The following SEMA3E variants were observed in gnomAD, a reference collection of about 807,000 sequenced individuals.
The protein encoded by SEMA3E is semaphorin 3E, also known as semaphorin-3E.
In SEMA3E, 49 loss-of-function variants were observed where a neutral mutation model predicts 93.6. The observed-to-expected ratio is 0.52, with a 90% confidence interval of 0.42 to 0.66. The LOEUF (loss-of-function observed/expected upper bound fraction) is 0.66. Ranked by LOEUF, SEMA3E falls within the 30% of genes least tolerant of loss-of-function variation. The probability of loss-of-function intolerance (pLI) is 0.00; values close to 1 mark genes in which losing one functional copy is unlikely to be tolerated. For missense variants in SEMA3E, 906 were observed against 964.8 expected (o/e 0.94, Z 0.81); for synonymous variants, 363 against 330.7 (o/e 1.10, Z -1.06).
chr7:83,441,776 T>C (rs1789119373), intron 4 of SEMA3E, among the ~76,000 whole-genome samples: 1 of 152,194 alleles, frequency 6.6e-6, no homozygotes. Context: ...CATATATACA[T>C]GTGTGTATAT....
chr7:83,378,588 C>T (rs140935831), intron 16 of SEMA3E, among the ~76,000 whole-genome samples: 35 of 151,982 alleles, frequency 2.3e-4, no homozygotes, highest in African/African-American at 8.2e-4. Flanking sequence ...TTAGATGAAT[C>T]GTGCCTTAAC....
rs1186831984 is a variant in SEMA3E, at chr7:83,617,492, A to T, written c.115+30936T>A. On this transcript the variant is annotated intron_variant, in intron 1 of 16. Coordinates refer to ENST00000643230, the MANE Select transcript of SEMA3E (RefSeq NM_012431.3). ...ATTTTATATAAATTTTATATAAATA[A>T]TATATAATTTTATATAAATAATATA... 1.7e-3 allele frequency among the ~76,000 whole-genome samples: 64 copies of T among 37,326 alleles called. 7 individuals carry two copies. The highest frequency in any genetic ancestry group is 2.5e-3 in the East Asian group (3 of 1,194). 24.5% of individuals were successfully genotyped at this position (37,326 alleles called of 152,430 possible). A position where few individuals can be genotyped will look rare whatever the true frequency, so the allele number is the denominator to read the frequency against.
intron 1 of SEMA3E, among the ~76,000 whole-genome samples, chr7:83,644,199 A>C (rs1794050537): frequency 1.4e-4 from 2 of 14,754 alleles, no homozygotes; most frequent in South Asian, 1.5e-3. Flanking sequence ...CACTACAGCA[A>C]AAAAAAAAAA....
At chr7:83,470,113 A>G (rs572234647) in intron 2 of SEMA3E, among the ~76,000 whole-genome samples, 1 of 152,254 alleles carries the variant, frequency 6.6e-6, no homozygotes, top group Admixed American at 6.5e-5. Flanking sequence ...CAAAAGTTTT[A>G]ATTGTATTTT....
chr7:83,462,830 G>A (rs12670441), intron 4 of SEMA3E, among the ~76,000 whole-genome samples: 127,997 of 132,154 alleles, frequency 0.97, 62,175 homozygotes, highest in Middle Eastern at 1. Flanking sequence ...TGTTTTGCCT[G>A]TCCACCCCGT....
chr7:83,599,639 A>C (rs1368661034), intron 1 of SEMA3E, among the ~76,000 whole-genome samples: 1 of 152,222 alleles, frequency 6.6e-6, no homozygotes, highest in Non-Finnish European at 1.5e-5. Flanking sequence ...AACACTTTAC[A>C]TACAAATAAC....
At chr7:83,403,730 T>C (rs1005279749) in intron 9 of SEMA3E, among the ~76,000 whole-genome samples, 1 of 151,932 alleles carries the variant, frequency 6.6e-6, no homozygotes, top group Admixed American at 6.6e-5. Flanking sequence ...GTTATGTTAC[T>C]GTCCTACACC....
intron 4 of SEMA3E, among the ~76,000 whole-genome samples, chr7:83,451,077 T>A (rs1213286608): frequency 6.6e-6 from 1 of 152,148 alleles, no homozygotes; most frequent in Non-Finnish European, 1.5e-5. Flanking sequence ...TCTGATGACA[T>A]CATAAGGGGC....
At chr7:83,635,455 G>T (rs1793862993) in intron 1 of SEMA3E, among the ~76,000 whole-genome samples, 2 of 150,990 alleles carry the variant, frequency 1.3e-5, no homozygotes, top group Non-Finnish European at 3.0e-5. Flanking sequence ...TAATAATAAG[G>T]TATGGTGACA....
At chr7:83,487,160 G>GTAT (rs1156664687) in intron 2 of SEMA3E, among the ~76,000 whole-genome samples, 2 of 152,112 alleles carry the variant, frequency 1.3e-5, no homozygotes, top group African/African-American at 2.4e-5. Context: ...ATGAGAGTGA[G>GTAT]TAGGTGATTC....
chr7:83,613,051 A>G (rs1793297810), intron 1 of SEMA3E, among the ~76,000 whole-genome samples: 1 of 152,088 alleles, frequency 6.6e-6, no homozygotes, highest in Non-Finnish European at 1.5e-5. Flanking sequence ...CTTGTATGTG[A>G]TATATGAACA....
intron 2 of SEMA3E, among the ~76,000 whole-genome samples, chr7:83,483,047 T>G: frequency 6.6e-6 from 1 of 151,490 alleles, no homozygotes; most frequent in East Asian, 1.9e-4. Flanking sequence ...CTTTCTAAAG[T>G]GAAAATTATG....
chr7:83,391,374 T>A (rs1368006252), intron 14 of SEMA3E, among the ~76,000 whole-genome samples: 3 of 152,146 alleles, frequency 2.0e-5, no homozygotes. Context: ...TTATGCTTGT[T>A]TCTTCATATC....
At chr7:83,606,359 A>G (rs1793117703) in intron 1 of SEMA3E, among the ~76,000 whole-genome samples, 1 of 152,072 alleles carries the variant, frequency 6.6e-6, no homozygotes, top group Non-Finnish European at 1.5e-5. Flanking sequence ...TTGGGAACCA[A>G]CCCAAATGTC....
intron 9 of SEMA3E, among the ~76,000 whole-genome samples, chr7:83,405,158 G>GA (rs202147108): frequency 2.0e-5 from 3 of 150,728 alleles, no homozygotes; most frequent in Non-Finnish European, 3.0e-5. Flanking sequence ...AACTGTATGT[G>GA]AAAAAAAAAT....
intron 16 of SEMA3E, among the ~76,000 whole-genome samples, chr7:83,369,531 T>C (rs558383380): frequency 1.3e-5 from 2 of 152,294 alleles, no homozygotes; most frequent in East Asian, 1.9e-4. Flanking sequence ...CAGAGTGTCC[T>C]AGTTGGGCTA....
chr7:83,372,516 TG>T (rs1165731132), intron 16 of SEMA3E: 1 of 360,242 alleles, frequency 2.8e-6, no homozygotes, highest in African/African-American at 2.1e-5. Context: ...GTTTGTTGCT[TG>T]TTTTTTCAAG....
chr7:83,639,110 C>CA lies in SEMA3E; in HGVS notation c.115+9317dup, dbSNP rs1172097095. On this transcript the variant is annotated intron_variant, in intron 1 of 16. Transcript: ENST00000643230. ...TGGGCGACAGAGCGAGACTCCGTCT[C>CA]AAAAAAAAAAAAAAAAAAAAAAAAA... Among the ~76,000 whole-genome samples, 168 of 27,450 alleles carry CA rather than the reference C, an allele frequency of 6.1e-3. 17 individuals are homozygous for CA. Among genetic ancestry groups the CA allele is most frequent in the African/African-American group, 0.017 (82 of 4,766 alleles). The allele number at this position is 27,450 out of a possible 152,430, so 18.0% of individuals were successfully genotyped here.
chr7:83,632,556 G>A (rs933915383), intron 1 of SEMA3E, among the ~76,000 whole-genome samples: 2 of 152,170 alleles, frequency 1.3e-5, no homozygotes, highest in Non-Finnish European at 2.9e-5. Flanking sequence ...CATGTAAGAT[G>A]TGACTTGCTC....
Sources: allele counts gnomAD v4.1 joint callset (sites outside exome capture counted in the v4.1 genomes callset), GRCh38; gene constraint gnomAD v4.1.1; transcripts MANE v1.5; gene names NCBI Gene and HGNC (gene_info 2026-07-23, HGNC 2026-07-21).